The following CLSTN2 variants were observed in gnomAD, a reference collection of about 807,000 sequenced individuals.
The protein encoded by CLSTN2 is calsyntenin 2.
Under a neutral mutation model 101.2 loss-of-function variants are expected in CLSTN2, and 48 were observed. That is an observed-to-expected ratio of 0.47 (90% CI 0.38 to 0.60). The LOEUF (loss-of-function observed/expected upper bound fraction) is 0.60, where lower values mean the gene tolerates loss of function less well. CLSTN2 is among the 20% of genes least tolerant of loss of function. The pLI is 0.00. For synonymous variants in CLSTN2, 481 were observed against 463.6 expected, an observed-to-expected ratio of 1.04 and a Z score of -0.48; for missense variants, 1,160 against 1,238.2, an observed-to-expected ratio of 0.94 and a Z score of 0.95.
At chr3:139,985,498 G>A (rs1002560719) in intron 1 of CLSTN2, among the ~76,000 whole-genome samples, 1 of 152,112 alleles carries the variant, frequency 6.6e-6, no homozygotes, top group Non-Finnish European at 1.5e-5. Context: ...CCTAGCTGGG[G>A]TGTCTATGGG....
intron 1 of CLSTN2, among the ~76,000 whole-genome samples, chr3:140,036,423 T>A (rs1310265914): frequency 6.6e-6 from 1 of 152,190 alleles, no homozygotes; most frequent in Non-Finnish European, 1.5e-5. Context: ...TGTGAAGTGT[T>A]TTCCCTGAAG....
chr3:140,039,636 T>A (rs28483038), intron 1 of CLSTN2, among the ~76,000 whole-genome samples: 7,201 of 152,256 alleles, frequency 0.047, 528 homozygotes, highest in African/African-American at 0.15. Context: ...GATTTTCTTC[T>A]CCACAACAAT....
chr3:140,040,591 C>T (rs2007742717), intron 1 of CLSTN2, among the ~76,000 whole-genome samples: 1 of 151,880 alleles, frequency 6.6e-6, no homozygotes, highest in Non-Finnish European at 1.5e-5. Context: ...TTAATCCTAC[C>T]TCATCTGAAT....
At chr3:140,082,847 G>T (rs2008621495) in intron 1 of CLSTN2, among the ~76,000 whole-genome samples, 1 of 152,150 alleles carries the variant, frequency 6.6e-6, no homozygotes, top group Non-Finnish European at 1.5e-5. Flanking sequence ...CACACCTCAG[G>T]CTGTATCTTT....
At chr3:140,473,744 G>GTT (rs34435215) in intron 8 of CLSTN2, among the ~76,000 whole-genome samples, 15,231 of 149,028 alleles carry the variant, frequency 0.1, 1,046 homozygotes, top group Middle Eastern at 0.22. Context: ...GGTTTTTTGT[G>GTT]TTTTTTTTTT....
Position 140,197,180 on chromosome 3 carries a change from G to C in CLSTN2, c.232+21107G>C, listed in dbSNP as rs140886029. On this transcript the variant is annotated intron_variant, in intron 2 of 16. Transcript: ENST00000458420. Reference sequence around the variant, plus strand: ...ACAGTCTCAGCTCACTGCTGCCAAGGTAGCTGTCCTCACTATGAAATGATT... The same window carrying C: ...ACAGTCTCAGCTCACTGCTGCCAAGCTAGCTGTCCTCACTATGAAATGATT... Among the ~76,000 whole-genome samples the C allele has an allele frequency of 6.4e-4, 98 of 152,270 alleles. No individual in the cohort carries two copies. The East Asian group carries it at 0.016, about 25-fold the overall frequency.
chr3:140,135,087 A>AAAAC (rs2009587109), intron 1 of CLSTN2, among the ~76,000 whole-genome samples: 1 of 51,394 alleles, frequency 1.9e-5, no homozygotes, highest in Non-Finnish European at 4.0e-5. Flanking sequence ...CTCTCAAAAA[A>AAAAC]ACACACACAC....
chr3:140,375,406 A>T (rs1295656282), intron 2 of CLSTN2, among the ~76,000 whole-genome samples: 1 of 152,206 alleles, frequency 6.6e-6, no homozygotes, highest in Non-Finnish European at 1.5e-5. Flanking sequence ...ACCTGTGGTG[A>T]CTGACATGCC....
At chr3:140,222,485 T>C (rs1393778397) in intron 2 of CLSTN2, among the ~76,000 whole-genome samples, 1 of 152,204 alleles carries the variant, frequency 6.6e-6, no homozygotes. Context: ...ATAATTGGAT[T>C]GTTACACAAA....
intron 1 of CLSTN2, among the ~76,000 whole-genome samples, chr3:140,165,531 C>T (rs572117705): frequency 2.9e-4 from 44 of 152,120 alleles, no homozygotes; most frequent in African/African-American, 1.0e-3. Context: ...TACAGGGTGA[C>T]GGGAGAACAG....
At chr3:140,101,918 G>A (rs1395634652) in intron 1 of CLSTN2, among the ~76,000 whole-genome samples, 1 of 152,224 alleles carries the variant, frequency 6.6e-6, no homozygotes, top group Admixed American at 6.5e-5. Context: ...TGCAAGGGAG[G>A]CAGGGGCATG....
At chr3:140,008,693 A>G (rs905620724) in intron 1 of CLSTN2, among the ~76,000 whole-genome samples, 9 of 152,242 alleles carry the variant, frequency 5.9e-5, no homozygotes, top group Non-Finnish European at 5.9e-5. Flanking sequence ...AATTTTCCTA[A>G]TACGAACAAT....
intron 8 of CLSTN2, among the ~76,000 whole-genome samples, chr3:140,496,575 A>T (rs1934471610): frequency 6.6e-6 from 1 of 152,232 alleles, no homozygotes. Context: ...GCTTTTACCC[A>T]TTCAGTATGA....
chr3:140,084,449 G>A (rs2008647760), intron 1 of CLSTN2, among the ~76,000 whole-genome samples: 1 of 152,206 alleles, frequency 6.6e-6, no homozygotes, highest in Admixed American at 6.5e-5. Flanking sequence ...TTTCACTAAG[G>A]TTAGGAATAA....
At chr3:140,238,486 AAAT>A (rs773388519) in intron 2 of CLSTN2, among the ~76,000 whole-genome samples, 7 of 152,220 alleles carry the variant, frequency 4.6e-5, no homozygotes, top group African/African-American at 1.7e-4. Context: ...TAGGAAAAAG[AAAT>A]AATAAGTCTG....
chr3:140,569,989 T>C lies in CLSTN2; in HGVS notation c.*3736T>C, dbSNP rs1449431532. ...CACCGCACCCAGCCCTCATTACCAC[T>C]TTCTTGAATTTACTCAATCATCCTA... On this transcript the variant is annotated 3_prime_UTR_variant, in exon 17 of 17. Transcript: ENST00000458420. 2 of 152,210 alleles carry C rather than the reference T, an allele frequency of 1.3e-5. No homozygotes were observed. Among genetic ancestry groups the C allele is most frequent in the African/African-American group, 4.8e-5 (2 of 41,442 alleles). 9.4% of individuals were successfully genotyped at this position (152,210 alleles called of 1,614,324 possible).
At chr3:140,039,788 T>A (rs535681371) in intron 1 of CLSTN2, among the ~76,000 whole-genome samples, 3 of 152,332 alleles carry the variant, frequency 2.0e-5, no homozygotes, top group Admixed American at 2.0e-4. Context: ...TGTGCATGCA[T>A]ATGTGTATAA....
At chr3:140,307,698 C>T (rs1240737559) in intron 2 of CLSTN2, among the ~76,000 whole-genome samples, 1 of 152,116 alleles carries the variant, frequency 6.6e-6, no homozygotes, top group East Asian at 1.9e-4. Flanking sequence ...TTTATCTTTT[C>T]TCAATAGTCC....
Position 140,532,443 on chromosome 3 carries a change from A to G in CLSTN2, c.1464A>G (p.Pro488=), listed in dbSNP as rs916068346. The part of the protein sequence containing the change: ...YLVTNDWPIH[P]SHIAMQLTVG... ...TGACCAACGACTGGCCCATTCATCC[A>G]TCTCACATAGCCATGCAACTCACAG... Residue 488 remains proline, a synonymous_variant, in exon 9 of 17, where the codon CCA becomes CCG. Coordinates refer to ENST00000458420, the MANE Select transcript of CLSTN2 (RefSeq NM_022131.3). 3.7e-6 allele frequency: 6 copies of G among 1,613,886 alleles called. No individual in the cohort carries two copies. The highest frequency in any genetic ancestry group is 4.5e-5 in the East Asian group (2 of 44,892).
Sources: allele counts gnomAD v4.1 joint callset (sites outside exome capture counted in the v4.1 genomes callset), GRCh38; gene constraint gnomAD v4.1.1; transcripts MANE v1.5; gene names NCBI Gene and HGNC (gene_info 2026-07-23, HGNC 2026-07-21).